LRRIQ3: variants seen among roughly 807,000 people sequenced by gnomAD.
LRRIQ3 encodes the protein leucine-rich repeat and IQ domain-containing protein 3.
A neutral mutation model predicts 59.3 loss-of-function variants in LRRIQ3; 75 were observed. The observed-to-expected ratio is 1.26, with a 90% CI of 1.05 to 1.53. The LOEUF is 1.53. LRRIQ3 is among the 40% of genes most tolerant of loss of function. LRRIQ3 has a pLI of 0.00. For synonymous variants in LRRIQ3, 250 were observed against 231.3 expected, an observed-to-expected ratio of 1.08 and a Z score of -0.73; for missense variants, 831 against 710.0, an observed-to-expected ratio of 1.17 and a Z score of -1.94.
chr1:74,074,148 A>C (rs903405403), intron 6 of LRRIQ3, among the ~76,000 whole-genome samples: 1 of 152,180 alleles, frequency 6.6e-6, no homozygotes, highest in Non-Finnish European at 1.5e-5. Flanking sequence ...TTCTTCCTAA[A>C]AAAATTTCTC....
At chr1:74,107,419 C>G (rs2100556485) in intron 5 of LRRIQ3, among the ~76,000 whole-genome samples, 1 of 151,828 alleles carries the variant, frequency 6.6e-6, no homozygotes, top group African/African-American at 2.4e-5. Flanking sequence ...TTAGATTTAT[C>G]AATTATCACT....
intron 2 of LRRIQ3, chr1:74,183,205 T>C (rs1466133015): frequency 1.5e-5 from 5 of 343,676 alleles, no homozygotes; most frequent in Non-Finnish European, 2.1e-5. Context: ...ATCCAGGCTA[T>C]AGATTTAAGA....
At chr1:74,114,943 T>C (rs961839346) in intron 4 of LRRIQ3, among the ~76,000 whole-genome samples, 1 of 152,000 alleles carries the variant, frequency 6.6e-6, no homozygotes, top group Non-Finnish European at 1.5e-5. Context: ...CTTAATATTT[T>C]ATACAATTAT....
chr1:74,166,977 G>A (rs1649028384), intron 3 of LRRIQ3, among the ~76,000 whole-genome samples: 1 of 151,824 alleles, frequency 6.6e-6, no homozygotes, highest in Non-Finnish European at 1.5e-5. Context: ...GTGGTGAAAA[G>A]GGAACACTTT....
At chr1:74,071,245 T>A (rs1655020743) in intron 6 of LRRIQ3, among the ~76,000 whole-genome samples, 1 of 151,998 alleles carries the variant, frequency 6.6e-6, no homozygotes, top group Admixed American at 6.6e-5. Context: ...TGATCATAGC[T>A]CACTGCAACC....
intron 4 of LRRIQ3, chr1:74,138,456 C>T: frequency 1.0e-6 from 1 of 983,220 alleles, no homozygotes; most frequent in Non-Finnish European, 1.2e-6. Flanking sequence ...TTTGGTGTCC[C>T]ATGGGCAGGG....
intron 4 of LRRIQ3, among the ~76,000 whole-genome samples, chr1:74,140,898 C>G (rs1647227168): frequency 1.3e-5 from 2 of 151,718 alleles, no homozygotes; most frequent in Non-Finnish European, 2.9e-5. Context: ...TAAAAACATA[C>G]ATACATTCCA....
chr1:74,072,988 G>T (rs530075883), intron 6 of LRRIQ3, among the ~76,000 whole-genome samples: 1 of 151,994 alleles, frequency 6.6e-6, no homozygotes, highest in Non-Finnish European at 1.5e-5. Flanking sequence ...TACTCAGAAG[G>T]TTGATTTCTT....
intron 5 of LRRIQ3, among the ~76,000 whole-genome samples, chr1:74,079,957 G>A (rs918767363): frequency 6.6e-6 from 1 of 151,648 alleles, no homozygotes; most frequent in Non-Finnish European, 1.5e-5. Context: ...TTCTCACTCA[G>A]CAACCCTTCA....
chr1:74,048,576 A>G (rs17094785), intron 6 of LRRIQ3, among the ~76,000 whole-genome samples: 2,092 of 152,258 alleles, frequency 0.014, 40 homozygotes, highest in African/African-American at 0.048. Flanking sequence ...CTATCCTTCC[A>G]TCCATTCATT....
At chr1:74,070,370 C>G (rs1393221289) in intron 6 of LRRIQ3, among the ~76,000 whole-genome samples, 2 of 151,912 alleles carry the variant, frequency 1.3e-5, no homozygotes, top group African/African-American at 2.4e-5. Context: ...TGAACTAACA[C>G]AGGAACAGAA....
At chr1:74,051,952 G>A (rs557594482) in intron 6 of LRRIQ3, among the ~76,000 whole-genome samples, 53 of 152,062 alleles carry the variant, frequency 3.5e-4, no homozygotes, top group African/African-American at 1.2e-3. Flanking sequence ...AATAGACTGG[G>A]CAAGTTTGAC....
intron 3 of LRRIQ3, chr1:74,180,191 TG>T (rs766583953): frequency 6.6e-6 from 1 of 151,880 alleles, no homozygotes; most frequent in Non-Finnish European, 1.5e-5. Flanking sequence ...TCTTCCAATA[TG>T]TTTTTTTCTT....
intron 5 of LRRIQ3, chr1:74,084,002 T>C (rs572679255): frequency 4.1e-6 from 2 of 485,360 alleles, no homozygotes; most frequent in Admixed American, 8.5e-5. Flanking sequence ...AAAGTGTTAA[T>C]AAATGCTAGC....
chr1:74,095,005 T>A (rs1646433914), intron 5 of LRRIQ3: 2 of 152,138 alleles, frequency 1.3e-5, no homozygotes, highest in African/African-American at 4.8e-5. Flanking sequence ...CTCTTGTAGC[T>A]ATGAGCCCAA....
rs117079797 is a variant in LRRIQ3 at position 74,170,619 on chromosome 1, G to A, written c.573+11919C>T. Among the ~76,000 whole-genome samples, 203 of 152,100 alleles carry A rather than the reference G, an allele frequency of 1.3e-3. 8 individuals are homozygous for A. The East Asian group carries it at 0.031, about 23-fold the overall frequency. ...AGTGTGATGCCTCCAGCTTTATTTGGTTTTTGTGTTTGTTTTGCTTAAGAT... is the reference window on the plus strand; with the variant it reads ...AGTGTGATGCCTCCAGCTTTATTTGATTTTTGTGTTTGTTTTGCTTAAGAT... On this transcript the variant is annotated intron_variant, in intron 3 of 7. Transcript: ENST00000354431.
In LRRIQ3 at chr1:74,141,982, TACAC is replaced by T. The variant is rs66546682; in HGVS notation, c.707+13747_707+13750del. ...ATTATTCTGAATAATATTCCATTTATACACACACACACACACACACACACATATT... is the reference window on the plus strand; with the variant it reads ...ATTATTCTGAATAATATTCCATTTATACACACACACACACACACACATATT... On this transcript the variant is annotated intron_variant, in intron 4 of 7. Transcript: ENST00000354431. 8.0e-3 allele frequency among the ~76,000 whole-genome samples: 1,211 copies of T among 150,462 alleles called. 5 individuals are homozygous for T. Among genetic ancestry groups the T allele is most frequent in the Admixed American group, 0.015 (219 of 14,960 alleles).
At chr1:74,089,570 T>G (rs1292447466) in intron 5 of LRRIQ3, among the ~76,000 whole-genome samples, 1 of 152,072 alleles carries the variant, frequency 6.6e-6, no homozygotes, top group African/African-American at 2.4e-5. Context: ...AACATTATAC[T>G]AAGTGGAAGT....
intron 4 of LRRIQ3, among the ~76,000 whole-genome samples, chr1:74,118,107 G>A (rs957353415): frequency 1.3e-5 from 2 of 151,648 alleles, no homozygotes; most frequent in African/African-American, 4.8e-5. Context: ...AAAATAGCAG[G>A]CATAACATAC....
Sources: gnomAD v4.1 joint callset for allele counts (sites outside exome capture counted in the v4.1 genomes callset) on GRCh38, gnomAD v4.1.1 for gene constraint, MANE v1.5 for transcripts, NCBI Gene and HGNC (gene_info 2026-07-23, HGNC 2026-07-21) for gene names.